The following PPM1G variants were observed in gnomAD, a reference collection of about 807,000 sequenced individuals.
The protein encoded by PPM1G is protein phosphatase 1G.
In PPM1G, 12 loss-of-function variants were observed where a neutral mutation model predicts 59.4. The observed-to-expected ratio is 0.20, with a 90% CI of 0.13 to 0.33. The LOEUF is 0.33. PPM1G is among the 10% of genes least tolerant of loss of function. The pLI, the probability that PPM1G is intolerant of heterozygous loss-of-function variation, is 1.00. For missense variants in PPM1G, 392 were observed against 681.3 expected (o/e 0.58, Z 4.73); for synonymous variants, 245 against 251.9 (o/e 0.97, Z 0.26).
chr2:27,407,963 C>T (rs1253689547), intron 1 of PPM1G, among the ~76,000 whole-genome samples: 1 of 151,956 alleles, frequency 6.6e-6, no homozygotes, highest in Non-Finnish European at 1.5e-5. Context: ...AGGAGAATTG[C>T]TCGAACCTGG....
intron 1 of PPM1G, among the ~76,000 whole-genome samples, chr2:27,404,947 G>GAA (rs527530570): frequency 4.9e-4 from 30 of 61,302 alleles, no homozygotes; most frequent in Admixed American, 1.1e-3. Context: ...CCGTCTCGGA[G>GAA]AAAAAAAAAA....
chr2:27,401,607 C>G (rs144687826), intron 1 of PPM1G, among the ~76,000 whole-genome samples: 50 of 152,310 alleles, frequency 3.3e-4, no homozygotes, highest in African/African-American at 1.2e-3. Flanking sequence ...AGGCAGATCA[C>G]TTGAGGCCAG....
intron 1 of PPM1G, among the ~76,000 whole-genome samples, chr2:27,404,946 A>AG (rs1386160973): frequency 1.4e-5 from 2 of 141,466 alleles, no homozygotes; most frequent in Non-Finnish European, 3.1e-5. Flanking sequence ...TCCGTCTCGG[A>AG]GAAAAAAAAA....
intron 2 of PPM1G, chr2:27,386,811 CA>C (rs1404833985): frequency 1.2e-5 from 3 of 247,800 alleles, no homozygotes; most frequent in Non-Finnish European, 2.4e-5. Context: ...GCCGGGATTA[CA>C]GGTGTGACCT....
chr2:27,383,658 GT>G lies in PPM1G; in HGVS notation c.967-59del. The stretch of plus-strand genomic sequence containing the variant: ...TTCTGAACATGCGTTCCTCACTGAT[GT>G]GCTCCTGATCGTTCACCTATGCTTG... On this transcript the variant is annotated intron_variant, in intron 6 of 9. Transcript: ENST00000344034. The surrounding 1 kb of genome is among the most constrained non-coding windows in gnomAD (Gnocchi z 5.0). 1 of 1,486,388 alleles carries G rather than the reference GT, an allele frequency of 6.7e-7. No individual in the cohort carries two copies. The highest frequency in any genetic ancestry group is 9.2e-7 in the Non-Finnish European group (1 of 1,090,886). The allele number at this position is 1,486,388 out of a possible 1,614,324, so 92.1% of individuals were successfully genotyped here. A position where few individuals can be genotyped will look rare whatever the true frequency, so the allele number is the denominator to read the frequency against.
At chr2:27,408,060 A>G (rs1464589540) in intron 1 of PPM1G, among the ~76,000 whole-genome samples, 7 of 152,054 alleles carry the variant, frequency 4.6e-5, no homozygotes, top group African/African-American at 1.2e-4. Flanking sequence ...AAAAAAAAAA[A>G]GGGAGCCAAA....
intron 1 of PPM1G, among the ~76,000 whole-genome samples, chr2:27,396,601 G>C (rs1201742729): frequency 1.3e-5 from 2 of 152,008 alleles, no homozygotes; most frequent in African/African-American, 4.8e-5. Flanking sequence ...GATCACTTGA[G>C]GTGAGGAGTT....
In PPM1G at chr2:27,383,738, A is replaced by G; in HGVS notation, c.967-138T>C. ...AACAAACAGGAGAAGCACACATTTC[A>G]TCTTTCTAGAGACAGCAGCACACTC... On this transcript the variant is annotated intron_variant, in intron 6 of 9. Transcript: ENST00000344034. The surrounding 1 kb of genome is among the most constrained non-coding windows in gnomAD (Gnocchi z 5.0). 3 of 1,153,530 alleles carry G rather than the reference A, an allele frequency of 2.6e-6. No individual in the cohort carries two copies. Among genetic ancestry groups the G allele is most frequent in the Non-Finnish European group, 3.6e-6 (3 of 823,838 alleles). The allele number at this position is 1,153,530 out of a possible 1,614,324, so 71.5% of individuals were successfully genotyped here. A position where few individuals can be genotyped will look rare whatever the true frequency, so the allele number is the denominator to read the frequency against.
intron 1 of PPM1G, among the ~76,000 whole-genome samples, chr2:27,398,606 G>C (rs899278883): frequency 6.6e-6 from 1 of 151,232 alleles, no homozygotes; most frequent in Non-Finnish European, 1.5e-5. Flanking sequence ...GACGGATCAC[G>C]AGGTCAAGAG....
intron 1 of PPM1G, among the ~76,000 whole-genome samples, chr2:27,400,732 T>C (rs1684161751): frequency 6.6e-6 from 1 of 152,182 alleles, no homozygotes; most frequent in African/African-American, 2.4e-5. Context: ...TTCCCTTCCA[T>C]CAACTAAGTG....
rs370931792 is a variant in PPM1G at position 27,384,833 on chromosome 2, G to A, written c.665C>T (p.Thr222Ile). 4 of 1,614,238 alleles carry A rather than the reference G, an allele frequency of 2.5e-6. No homozygotes were observed. The highest frequency in any genetic ancestry group is 3.4e-6 in the Non-Finnish European group (4 of 1,180,048). Residue 222 changes from threonine (T) to isoleucine (I), a missense_variant, in exon 5 of 10, where the codon ACT becomes ATT. Thr to Ile is a moderately conservative substitution (Grantham distance 89, BLOSUM62 -1). Coordinates refer to ENST00000344034, the MANE Select transcript of PPM1G (RefSeq NM_177983.3). The surrounding 1 kb of genome is among the most constrained non-coding windows in gnomAD (Gnocchi z 4.8). ...TGFSSNSERG[T>I]EAGQVGEPGI... Reference sequence around the variant, plus strand: ...AGGCTCACCAACTTGGCCTGCCTCAGTCCCACGTTCCGAGTTGGAGGAAAA... The same window carrying A: ...AGGCTCACCAACTTGGCCTGCCTCAATCCCACGTTCCGAGTTGGAGGAAAA...
rs1159563760 is a variant in PPM1G, at chr2:27,383,321, A to G, written c.1201+45T>C. Reference sequence around the variant, plus strand: ...AGTTTGCTACTAGGTAGTCTGGGACAGAGAGAAAGACCCTAGAAGTCTTTC... The same window carrying G: ...AGTTTGCTACTAGGTAGTCTGGGACGGAGAGAAAGACCCTAGAAGTCTTTC... On this transcript the variant is annotated intron_variant, in intron 7 of 9. Transcript: ENST00000344034. The surrounding 1 kb of genome is among the most constrained non-coding windows in gnomAD (Gnocchi z 5.0). 2 of 1,571,540 alleles carry G rather than the reference A, an allele frequency of 1.3e-6. No homozygotes were observed. The highest frequency in any genetic ancestry group is 1.7e-6 in the Non-Finnish European group (2 of 1,142,910).
At position 27,382,233 on chromosome 2, in the gene PPM1G, G is replaced by A. The variant is rs996116673; in HGVS notation, c.1332-5C>T. The A allele has an allele frequency of 1.9e-6, 3 of 1,613,294 alleles. No individual in the cohort carries two copies. Among genetic ancestry groups the A allele is most frequent in the African/African-American group, 1.3e-5 (1 of 74,904 alleles). On this transcript the variant is annotated splice_polypyrimidine_tract_variant and splice_region_variant and intron_variant, in intron 8 of 9. Coordinates refer to ENST00000344034, the MANE Select transcript of PPM1G (RefSeq NM_177983.3). The surrounding 1 kb of genome is among the most constrained non-coding windows in gnomAD (Gnocchi z 4.2). ...TCCTGGCTGCTCATCACATTCCTGG[G>A]GTCAAGAACAACAGTCAGAATCTTC...
chr2:27,394,939 T>A (rs1034901652), intron 1 of PPM1G, among the ~76,000 whole-genome samples: 8 of 151,096 alleles, frequency 5.3e-5, no homozygotes, highest in Non-Finnish European at 1.0e-4. Context: ...ATAATAATAA[T>A]AAAAATAAAA....
chr2:27,408,236 A>C (rs1663427413), intron 1 of PPM1G, among the ~76,000 whole-genome samples: 1 of 152,222 alleles, frequency 6.6e-6, no homozygotes, highest in Admixed American at 6.5e-5. Context: ...GAGGGATCTG[A>C]AACAATTCCC....
intron 1 of PPM1G, among the ~76,000 whole-genome samples, chr2:27,388,115 T>A (rs1030208697): frequency 6.6e-6 from 1 of 151,578 alleles, no homozygotes; most frequent in African/African-American, 2.4e-5. Flanking sequence ...TTATTTATAA[T>A]AAAAAACAGT....
intron 1 of PPM1G, among the ~76,000 whole-genome samples, chr2:27,388,890 A>T (rs1182403904): frequency 6.9e-6 from 1 of 144,794 alleles, no homozygotes; most frequent in Non-Finnish European, 1.5e-5. Flanking sequence ...AAAAAAAAAA[A>T]AATTATCTAC....
intron 1 of PPM1G, among the ~76,000 whole-genome samples, chr2:27,408,607 CTGAT>C (rs67463939): frequency 0.41 from 62,055 of 151,656 alleles, 13,129 homozygotes; most frequent in African/African-American, 0.48. Context: ...ATGAGAATTA[CTGAT>C]TAAGTTTTAG....
chr2:27,386,128 C>T (rs1000279333), intron 3 of PPM1G, 66 bp downstream of exon 3: 17 of 1,457,202 alleles, frequency 1.2e-5, no homozygotes, highest in Non-Finnish European at 1.4e-5. Flanking sequence ...AAAGGAAAAG[C>T]CCAAGGGCTA....
Sources: gnomAD v4.1 joint callset for allele counts (sites outside exome capture counted in the v4.1 genomes callset) on GRCh38, gnomAD v4.1.1 for gene constraint, Gnocchi (gnomAD v3.1) non-coding constraint, MANE v1.5 for transcripts, NCBI Gene and HGNC (gene_info 2026-07-23, HGNC 2026-07-21) for gene names.